TRPA1: variants seen among roughly 807,000 people sequenced by gnomAD.
The protein encoded by TRPA1 is ankyrin-like with transmembrane domains 1.
TRPA1 carries 129 observed loss-of-function variants against 131.3 expected under a neutral mutation model. The observed-to-expected ratio is 0.98, with a 90% CI of 0.85 to 1.14. The LOEUF (loss-of-function observed/expected upper bound fraction) is 1.14, where lower values mean the gene tolerates loss of function less well. TRPA1 is among the 50% of genes most tolerant of loss of function. The pLI is 0.00. For synonymous variants in TRPA1, 441 were observed against 451.7 expected (o/e 0.98, Z 0.30); for missense variants, 1,304 against 1,354.2 (o/e 0.96, Z 0.58).
At chr8:72,069,411 A>G (rs1260011767) in intron 2 of TRPA1, among the ~76,000 whole-genome samples, 4 of 152,202 alleles carry the variant, frequency 2.6e-5, no homozygotes, top group Non-Finnish European at 5.9e-5. Flanking sequence ...TTATGAATTG[A>G]GTTAAATTTC....
chr8:72,081,071 G>A, the TRPA1 span, among the ~76,000 whole-genome samples: 2 of 150,746 alleles, frequency 1.3e-5, no homozygotes. Flanking sequence ...CTAATTATTT[G>A]GGTTCAATTT....
intron 7 of TRPA1, among the ~76,000 whole-genome samples, chr8:72,061,181 T>G (rs1477935066): frequency 6.6e-6 from 1 of 152,244 alleles, no homozygotes; most frequent in African/African-American, 2.4e-5. Flanking sequence ...AAACTATATC[T>G]TTTGAAACCA....
rs769931136 is a variant in TRPA1, at chr8:72,034,341, C to T, written c.2592G>A (p.Glu864=). Residue 864 remains glutamate, a synonymous_variant, in exon 22 of 27, where the codon GAG becomes GAA. Coordinates refer to ENST00000262209, the MANE Select transcript of TRPA1 (RefSeq NM_007332.3). ...ACCTCAACAAAGTTTTCAAAATTAC[C>T]TCCAACATAACAATAAAAATTCCAC... The part of the protein sequence containing the change: ...ENCGIFIVML[E]VILKTLLRST... 1.9e-6 allele frequency: 3 copies of T among 1,555,114 alleles called. No individual in the cohort carries two copies. The African/African-American group carries it at 4.1e-5, about 21-fold the overall frequency.
At chr8:72,024,742 GT>G (rs1350797387) in intron 25 of TRPA1, among the ~76,000 whole-genome samples, 1 of 152,164 alleles carries the variant, frequency 6.6e-6, no homozygotes, top group Non-Finnish European at 1.5e-5. Context: ...TGGATACAGG[GT>G]CCGGGAACTG....
chr8:72,069,582 A>G (rs190484139), intron 2 of TRPA1, among the ~76,000 whole-genome samples: 51 of 152,288 alleles, frequency 3.3e-4, no homozygotes, highest in African/African-American at 1.2e-3. Flanking sequence ...CAAGCCTCCA[A>G]TAGCCTGCAA....
rs551899645 is a variant in TRPA1 at position 72,075,288 on chromosome 8, C to A, written c.111+11G>T. 3 of 1,608,660 alleles carry A rather than the reference C, an allele frequency of 1.9e-6. No individual in the cohort carries two copies. The highest frequency in any genetic ancestry group is 2.7e-5 in the African/African-American group (2 of 74,942). ...TCGGAACCCCTCCAGACCCGCGAGCCCCCAGAGTACCTTAAGCGATTCCTT... is the reference window on the plus strand; with the variant it reads ...TCGGAACCCCTCCAGACCCGCGAGCACCCAGAGTACCTTAAGCGATTCCTT... On this transcript the variant is annotated intron_variant, in intron 1 of 26. Transcript: ENST00000262209.
At position 72,071,682 on chromosome 8, in the gene TRPA1, C is replaced by T. The variant is rs199723909; in HGVS notation, c.268+29G>A. ...GTTAATTGAATGGGATGAATGATTT[C>T]TGGAAGATGAATTGTAATATTTTGT... On this transcript the variant is annotated intron_variant, in intron 2 of 26. Coordinates refer to ENST00000262209, the MANE Select transcript of TRPA1 (RefSeq NM_007332.3). 3.0e-5 allele frequency: 49 copies of T among 1,610,228 alleles called. 1 individual carries two copies. The East Asian group carries it at 6.0e-4, about 20-fold the overall frequency.
chr8:72,065,381 A>G, intron 4 of TRPA1, 70 bp downstream of exon 4: 1 of 1,272,290 alleles, frequency 7.9e-7, no homozygotes, highest in Non-Finnish European at 1.1e-6. Flanking sequence ...GAGATTTTGT[A>G]AATAATAATA....
chr8:72,049,571 C>T (rs1805440566), intron 15 of TRPA1, among the ~76,000 whole-genome samples: 1 of 152,114 alleles, frequency 6.6e-6, no homozygotes, highest in South Asian at 2.1e-4. Context: ...CCCAACTTTC[C>T]CAGATTGCTT....
chr8:72,026,853 G>T (rs1373460266), intron 24 of TRPA1, among the ~76,000 whole-genome samples: 1 of 152,068 alleles, frequency 6.6e-6, no homozygotes, highest in East Asian at 1.9e-4. Flanking sequence ...CAATATTAGT[G>T]ATTTATAGCC....
intron 23 of TRPA1, among the ~76,000 whole-genome samples, chr8:72,032,795 A>G (rs960135480): frequency 4.0e-5 from 6 of 151,042 alleles, no homozygotes; most frequent in African/African-American, 1.5e-4. Context: ...AATTGAATCA[A>G]AATACTCACA....
intron 1 of TRPA1, among the ~76,000 whole-genome samples, chr8:72,072,927 G>T (rs530334232): frequency 2.0e-5 from 3 of 152,028 alleles, no homozygotes; most frequent in African/African-American, 7.3e-5. Context: ...CATATCAGAC[G>T]TACTAGATCA....
chr8:72,023,974 T>G lies in TRPA1; in HGVS notation c.3052-63A>C, dbSNP rs1811491910. 5 of 1,136,790 alleles carry G rather than the reference T, an allele frequency of 4.4e-6. No individual in the cohort carries two copies. The Admixed American group carries it at 8.5e-5, about 19-fold the overall frequency. The allele number at this position is 1,136,790 out of a possible 1,614,324, so 70.4% of individuals were successfully genotyped here. A position where few individuals can be genotyped will look rare whatever the true frequency, so the allele number is the denominator to read the frequency against. On this transcript the variant is annotated intron_variant, in intron 25 of 26. Transcript: ENST00000262209. ...CAATTCAGGAACTTTTTCTTAAGCA[T>G]GTGCCAAAATTCAACCACCACTGGT...
chr8:72,053,552 C>T, intron 13 of TRPA1: 1 of 595,408 alleles, frequency 1.7e-6, no homozygotes, highest in South Asian at 1.9e-5. Flanking sequence ...GTTTCCCCAA[C>T]ATTCACCCAC....
chr8:72,073,126 T>C (rs1315989790), intron 1 of TRPA1, among the ~76,000 whole-genome samples: 1 of 152,210 alleles, frequency 6.6e-6, no homozygotes, highest in Non-Finnish European at 1.5e-5. Flanking sequence ...CTAGATCACT[T>C]TTAGATAAGC....
In TRPA1 at chr8:72,029,891, C is replaced by T. The variant is rs1224591546; in HGVS notation, c.2937+10G>A. The T allele has an allele frequency of 1.9e-6, 3 of 1,613,532 alleles. No homozygotes were observed. Among genetic ancestry groups the T allele is most frequent in the Non-Finnish European group, 2.5e-6 (3 of 1,179,492 alleles). Reference sequence around the variant, plus strand: ...TAACACTGTAATAAGTGGGGAGGCACTGCACTTACCTGCATAGCTATCCTC... The same window carrying T: ...TAACACTGTAATAAGTGGGGAGGCATTGCACTTACCTGCATAGCTATCCTC... On this transcript the variant is annotated intron_variant, in intron 24 of 26. Coordinates refer to ENST00000262209, the MANE Select transcript of TRPA1 (RefSeq NM_007332.3).
At chr8:72,028,622 T>C (rs1394758672) in intron 24 of TRPA1, among the ~76,000 whole-genome samples, 1 of 152,230 alleles carries the variant, frequency 6.6e-6, no homozygotes, top group Non-Finnish European at 1.5e-5. Context: ...AGCCATGTCA[T>C]AGAACATAGA....
intron 15 of TRPA1, among the ~76,000 whole-genome samples, chr8:72,049,120 A>T (rs544387345): frequency 6.6e-6 from 1 of 150,578 alleles, no homozygotes; most frequent in East Asian, 2.0e-4. Context: ...TCATAAAAAA[A>T]CCGTCCAAAA....
Position 72,046,601 on chromosome 8 carries a change from T to A in TRPA1, c.1973A>T (p.Tyr658Phe), listed in dbSNP as rs767126714. The stretch of plus-strand genomic sequence containing the variant: ...TGGACATTGAAGATATTTGAAATTA[T>A]ACTCGATCTGTAGAAGACAGAATTT... ...DKSCRDYYIEYNFKYLQCPLE... is the reference protein window; with the variant it reads ...DKSCRDYYIEFNFKYLQCPLE... The change falls in exon 17 of 27, where the codon TAT (tyrosine) becomes TTT (phenylalanine). Residue 658 changes from tyrosine to phenylalanine, a missense_variant. Physicochemically the swap from Tyr to Phe is conservative, Grantham distance 22 (BLOSUM62 3). Coordinates refer to ENST00000262209, the MANE Select transcript of TRPA1 (RefSeq NM_007332.3). 3.2e-6 allele frequency: 5 copies of A among 1,567,158 alleles called. No individual in the cohort carries two copies. The East Asian group carries it at 1.1e-4, about 35-fold the overall frequency.
Sources: gnomAD v4.1 joint callset for allele counts (sites outside exome capture counted in the v4.1 genomes callset) on GRCh38, gnomAD v4.1.1 for gene constraint, MANE v1.5 for transcripts, NCBI Gene and HGNC (gene_info 2026-07-23, HGNC 2026-07-21) for gene names.